HTR2A: variants seen among roughly 807,000 people sequenced by gnomAD.
HTR2A encodes the protein 5-hydroxytryptamine receptor 2A, also known as 5-HT2 receptor.
HTR2A carries 14 observed loss-of-function variants against 31.0 expected under a neutral mutation model. The observed-to-expected ratio is 0.45, with a 90% CI of 0.30 to 0.71. The LOEUF is 0.71. Among genes scored for constraint, HTR2A ranks in the 30% least tolerant of loss-of-function variants. The pLI, the probability that HTR2A is intolerant of heterozygous loss-of-function variation, is 0.09. For missense variants in HTR2A, 442 were observed against 573.3 expected (o/e 0.77, Z 2.34); for synonymous variants, 209 against 225.2 (o/e 0.93, Z 0.64).
At chr13:46,867,531 C>A (rs1223580516) in intron 3 of HTR2A, among the ~76,000 whole-genome samples, 1 of 152,188 alleles carries the variant, frequency 6.6e-6, no homozygotes, top group Non-Finnish European at 1.5e-5. Context: ...GCATGGGAAT[C>A]TGAGTTGCTA....
In HTR2A at chr13:46,861,067, GCTGA is replaced by G. The variant is rs201681528; in HGVS notation, c.614-25432_614-25429del. On this transcript the variant is annotated intron_variant, in intron 3 of 3. Coordinates refer to ENST00000542664, the MANE Select transcript of HTR2A (RefSeq NM_000621.5). Reference sequence around the variant, plus strand: ...TTTTTGTTGTAGGCAGGAATGGAAAGCTGACTAAGTGGGAAAATACAAATTTATT... The same window carrying G: ...TTTTTGTTGTAGGCAGGAATGGAAAGCTAAGTGGGAAAATACAAATTTATT... 4.6e-5 allele frequency among the ~76,000 whole-genome samples: 7 copies of G among 152,312 alleles called. No individual in the cohort carries two copies. In the East Asian group the frequency reaches 1.3e-3, roughly 29 times the overall value.
At chr13:46,897,697 T>C (rs1257314573), upstream of HTR2A, among the ~76,000 whole-genome samples, 1 of 152,224 alleles carries the variant, frequency 6.6e-6, no homozygotes. Context: ...GAAAATATTT[T>C]CCTCAATAGT....
At chr13:46,839,459 C>A (rs187010208) in intron 3 of HTR2A, among the ~76,000 whole-genome samples, 1 of 152,110 alleles carries the variant, frequency 6.6e-6, no homozygotes, top group South Asian at 2.1e-4. Flanking sequence ...GGGCTGATAT[C>A]CAATATCGTG....
At chr13:46,896,274 T>A in intron 1 of HTR2A, 40 bp from the exon 2 acceptor site, 4 of 1,066,060 alleles carry the variant, frequency 3.8e-6, no homozygotes, top group Non-Finnish European at 4.6e-6. Flanking sequence ...CTGGGACTCT[T>A]GTTTAACTAT....
At chr13:46,837,425 T>C (rs1175033451) in intron 3 of HTR2A, among the ~76,000 whole-genome samples, 1 of 152,170 alleles carries the variant, frequency 6.6e-6, no homozygotes, top group African/African-American at 2.4e-5. Flanking sequence ...GTTTCTTTCA[T>C]GAAATGGTAG....
At chr13:46,851,526 G>A (rs954805444) in intron 3 of HTR2A, among the ~76,000 whole-genome samples, 4 of 152,100 alleles carry the variant, frequency 2.6e-5, no homozygotes, top group Admixed American at 6.6e-5. Flanking sequence ...GAACACTTTC[G>A]CACGGAATAT....
intron 3 of HTR2A, among the ~76,000 whole-genome samples, chr13:46,882,447 C>T (rs761060822): frequency 9.9e-5 from 15 of 152,094 alleles, no homozygotes; most frequent in Non-Finnish European, 2.2e-4. Flanking sequence ...AATTAGATCA[C>T]GTGTTAATTT....
chr13:46,887,300 G>A (rs967204951), intron 3 of HTR2A, among the ~76,000 whole-genome samples: 2 of 151,660 alleles, frequency 1.3e-5, no homozygotes, highest in Non-Finnish European at 2.9e-5. Flanking sequence ...GCGGGCGCCT[G>A]TAGTCCCAGC....
Position 46,835,286 on chromosome 13 carries a change from T to C in HTR2A, c.967A>G (p.Lys323Glu), listed in dbSNP as rs1214835841. The change falls in exon 4 of 4, where the codon AAG (lysine) becomes GAG (glutamate). Residue 323 changes from lysine to glutamate, a missense_variant. Around this residue, in one of 5 missense-constraint regions of HTR2A, gnomAD observed 174 missense variants for 195.1 expected, o/e 0.89. Coordinates refer to ENST00000542664, the MANE Select transcript of HTR2A (RefSeq NM_000621.5). ...QSISNEQKAC[K>E]VLGIVFFLFV... The stretch of plus-strand genomic sequence containing the variant: ...AGGAAGAAGACGATGCCCAGCACCT[T>C]GCATGCCTTTTGCTCATTGCTGATG... 6.2e-7 allele frequency: 1 copy of C among 1,614,102 alleles called. No individual in the cohort carries two copies. The highest frequency in any genetic ancestry group is 8.5e-7 in the Non-Finnish European group (1 of 1,179,986).
Position 46,878,789 on chromosome 13 carries a change from T to C in HTR2A, c.613+13601A>G, listed in dbSNP as rs144057921. Among the ~76,000 whole-genome samples, 165 of 152,356 alleles carry C rather than the reference T, an allele frequency of 1.1e-3. 3 individuals are homozygous for C. The highest frequency in any genetic ancestry group is 3.8e-3 in the African/African-American group (159 of 41,580). On this transcript the variant is annotated intron_variant, in intron 3 of 3. Transcript: ENST00000542664. ...GTGCATATATGTGTATGTATACACATATGATTCTGTTTTTGTGGATCAAGA... is the reference window on the plus strand; with the variant it reads ...GTGCATATATGTGTATGTATACACACATGATTCTGTTTTTGTGGATCAAGA...
At chr13:46,871,051 C>T (rs78344787) in intron 3 of HTR2A, among the ~76,000 whole-genome samples, 8,026 of 152,278 alleles carry the variant, frequency 0.053, 292 homozygotes, top group Admixed American at 0.093. Flanking sequence ...AGCAACTTCT[C>T]ATCTATCCTC....
chr13:46,871,764 T>C (rs576824310), intron 3 of HTR2A, among the ~76,000 whole-genome samples: 2 of 152,338 alleles, frequency 1.3e-5, no homozygotes, highest in Admixed American at 1.3e-4. Context: ...CTGCGGGTCA[T>C]GTGGAAACTT....
chr13:46,860,326 A>G (rs982353016), intron 3 of HTR2A, among the ~76,000 whole-genome samples: 7 of 152,246 alleles, frequency 4.6e-5, no homozygotes, highest in Non-Finnish European at 7.3e-5. Flanking sequence ...TAACATAGGA[A>G]AAGATCCCTA....
chr13:46,869,521 C>T (rs1445867796), intron 3 of HTR2A, among the ~76,000 whole-genome samples: 1 of 152,034 alleles, frequency 6.6e-6, no homozygotes, highest in Non-Finnish European at 1.5e-5. Flanking sequence ...TTTGATAGTT[C>T]ATCAAAAAGT....
chr13:46,841,345 A>T (rs1950595638), intron 3 of HTR2A, among the ~76,000 whole-genome samples: 1 of 152,106 alleles, frequency 6.6e-6, no homozygotes, highest in Non-Finnish European at 1.5e-5. Context: ...TTTCATCTCA[A>T]AGCCACAAGT....
At chr13:46,894,019 C>T (rs1032026313) in intron 2 of HTR2A, among the ~76,000 whole-genome samples, 1 of 152,378 alleles carries the variant, frequency 6.6e-6, no homozygotes, top group East Asian at 1.9e-4. Context: ...GGGGAAGCCA[C>T]GCTCTGTCTG....
rs538463291 is a variant in HTR2A, at chr13:46,868,388, A to G, written c.613+24002T>C. Among the ~76,000 whole-genome samples the G allele has an allele frequency of 2.0e-5, 3 of 152,378 alleles. No individual in the cohort carries two copies. In the South Asian group the frequency reaches 6.2e-4, roughly 32 times the overall value. ...CACAAGGTTGTTGAGGATAAAGGCAATTGCCAAGAACAAGTAAAACTATTC... is the reference window on the plus strand; with the variant it reads ...CACAAGGTTGTTGAGGATAAAGGCAGTTGCCAAGAACAAGTAAAACTATTC... On this transcript the variant is annotated intron_variant, in intron 3 of 3. Coordinates refer to ENST00000542664, the MANE Select transcript of HTR2A (RefSeq NM_000621.5).
chr13:46,891,553 C>T (rs776503827), intron 3 of HTR2A, among the ~76,000 whole-genome samples: 1 of 152,150 alleles, frequency 6.6e-6, no homozygotes, highest in South Asian at 2.1e-4. Context: ...TGATTTCAAG[C>T]GGTGGAATCT....
chr13:46,890,826 T>C (rs1428059879), intron 3 of HTR2A, among the ~76,000 whole-genome samples: 4 of 152,130 alleles, frequency 2.6e-5, no homozygotes, highest in Admixed American at 2.6e-4. Flanking sequence ...CTGACCACCC[T>C]GAAAACCTGT....
Sources: gnomAD v4.1 joint callset for allele counts (sites outside exome capture counted in the v4.1 genomes callset) on GRCh38, gnomAD v4.1.1 for gene constraint, gnomAD v4.1.1 regional missense constraint, MANE v1.5 for transcripts, NCBI Gene and HGNC (gene_info 2026-07-23, HGNC 2026-07-21) for gene names.